The following SFT2D2 variants were observed in gnomAD, a reference collection of about 807,000 sequenced individuals.
The protein encoded by SFT2D2 is SFT2 domain containing 2, also known as vesicle transport protein SFT2B.
In SFT2D2, 21 loss-of-function variants were observed where a neutral mutation model predicts 27.4. The ratio of observed to expected loss-of-function variants is 0.77; its 90% CI spans 0.54 to 1.10. The LOEUF is 1.10. Ranked by LOEUF, SFT2D2 falls within the 50% of genes least tolerant of loss-of-function variation. The pLI, the probability that SFT2D2 is intolerant of heterozygous loss-of-function variation, is 0.00. For missense variants in SFT2D2, 187 were observed against 194.2 expected, an observed-to-expected ratio of 0.96 and a Z score of 0.22; for synonymous variants, 72 against 71.7, an observed-to-expected ratio of 1.00 and a Z score of -0.02.
Position 168,244,049 on chromosome 1 carries a change from A to G in SFT2D2, c.*1509A>G, listed in dbSNP as rs1025789120. ...CCTTTCTGTTCTTTGCACAGGGCCA[A>G]CTGGTCCACTAGGGCTCCTCCTCTG... On this transcript the variant is annotated 3_prime_UTR_variant, in exon 8 of 8. Coordinates refer to ENST00000271375, the MANE Select transcript of SFT2D2 (RefSeq NM_199344.3). The G allele has an allele frequency of 2.0e-5, 3 of 152,334 alleles. No individual in the cohort carries two copies. The highest frequency in any genetic ancestry group is 4.4e-5 in the Non-Finnish European group (3 of 68,140). The allele number at this position is 152,334 out of a possible 1,614,324, so 9.4% of individuals were successfully genotyped here.
rs956690909 is a variant in SFT2D2 at position 168,251,086 on chromosome 1, T to G, written c.*8546T>G. 1.3e-5 allele frequency: 2 copies of G among 152,108 alleles called. No homozygotes were observed. The highest frequency in any genetic ancestry group is 2.9e-5 in the Non-Finnish European group (2 of 68,072). 9.4% of individuals were successfully genotyped at this position (152,108 alleles called of 1,614,324 possible). A position where few individuals can be genotyped will look rare whatever the true frequency, so the allele number is the denominator to read the frequency against. Reference sequence around the variant, plus strand: ...TGGGAGGCTGAGGTGGGTGGATCGCTTGAGGTCAGGAGTTCAAGACCAGCC... The same window carrying G: ...TGGGAGGCTGAGGTGGGTGGATCGCGTGAGGTCAGGAGTTCAAGACCAGCC... On this transcript the variant is annotated 3_prime_UTR_variant, in exon 8 of 8. Transcript: ENST00000271375.
intron 6 of SFT2D2, among the ~76,000 whole-genome samples, chr1:168,238,248 T>C (rs916872014): frequency 3.3e-5 from 5 of 152,228 alleles, no homozygotes; most frequent in African/African-American, 1.2e-4. Flanking sequence ...GTAGCATTTT[T>C]TTCTTCTTCT....
intron 1 of SFT2D2, among the ~76,000 whole-genome samples, chr1:168,227,713 C>T (rs963146955): frequency 3.9e-5 from 6 of 152,106 alleles, no homozygotes; most frequent in African/African-American, 1.4e-4. Flanking sequence ...TCATAGGTAG[C>T]TGACCCTCGT....
intron 7 of SFT2D2, among the ~76,000 whole-genome samples, chr1:168,240,518 A>G (rs746479457): frequency 2.0e-5 from 3 of 152,172 alleles, no homozygotes; most frequent in East Asian, 3.8e-4. Flanking sequence ...TGAGGATCCA[A>G]TGAGATATTG....
chr1:168,234,476 A>G (rs2102330151), intron 3 of SFT2D2, among the ~76,000 whole-genome samples: 1 of 152,124 alleles, frequency 6.6e-6, no homozygotes, highest in Non-Finnish European at 1.5e-5. Context: ...ATAGAGTCAA[A>G]TGGTAGCTGT....
intron 3 of SFT2D2, among the ~76,000 whole-genome samples, chr1:168,233,371 A>G (rs529271334): frequency 2.0e-5 from 3 of 152,276 alleles, no homozygotes; most frequent in South Asian, 4.1e-4. Flanking sequence ...TATCACATCT[A>G]TATTTATGTG....
Position 168,249,978 on chromosome 1 carries a change from A to G in SFT2D2, c.*7438A>G, listed in dbSNP as rs1647913538. 1 of 152,222 alleles carries G rather than the reference A, an allele frequency of 6.6e-6. No individual in the cohort carries two copies. Among genetic ancestry groups the G allele is most frequent in the South Asian group, 2.1e-4 (1 of 4,826 alleles). The allele number at this position is 152,222 out of a possible 1,614,324, so 9.4% of individuals were successfully genotyped here. On this transcript the variant is annotated 3_prime_UTR_variant, in exon 8 of 8. Coordinates refer to ENST00000271375, the MANE Select transcript of SFT2D2 (RefSeq NM_199344.3). ...TGTAGACACTGCCATGTTTTATCTC[A>G]TTCAATATTCACAGTGACTGCCCAG...
At position 168,231,610 on chromosome 1, in the gene SFT2D2, C is replaced by T. The variant is rs201265817; in HGVS notation, c.150+10C>T. The T allele has an allele frequency of 7.5e-5, 121 of 1,612,302 alleles. No individual in the cohort carries two copies. Among genetic ancestry groups the T allele is most frequent in the South Asian group, 1.4e-4 (13 of 91,026 alleles). On this transcript the variant is annotated intron_variant, in intron 2 of 7. Transcript: ENST00000271375. ...TCTCTGCTCACTGCTGGTAAGATTT[C>T]CCTTCCTCCTCTGTCTTTTCCTTCT...
chr1:168,251,697 T>C lies in SFT2D2; in HGVS notation c.*9157T>C, dbSNP rs2102338601. Reference sequence around the variant, plus strand: ...TTGCTAGATTTTTGTCCTAGTTTTTTTTTTTTAATTTAAAAATCTTAAGTT... The same window carrying C: ...TTGCTAGATTTTTGTCCTAGTTTTTCTTTTTTAATTTAAAAATCTTAAGTT... On this transcript the variant is annotated 3_prime_UTR_variant, in exon 8 of 8. Transcript: ENST00000271375. 6.6e-6 allele frequency: 1 copy of C among 152,262 alleles called. No homozygotes were observed. Among genetic ancestry groups the C allele is most frequent in the South Asian group, 2.1e-4 (1 of 4,828 alleles). The allele number at this position is 152,262 out of a possible 1,614,324, so 9.4% of individuals were successfully genotyped here.
At position 168,252,736 on chromosome 1, in the gene SFT2D2, C is replaced by T. The variant is rs1210761044; in HGVS notation, c.*10196C>T. The T allele has an allele frequency of 6.6e-6, 1 of 152,120 alleles. No homozygotes were observed. Among genetic ancestry groups the T allele is most frequent in the Non-Finnish European group, 1.5e-5 (1 of 68,022 alleles). 9.4% of individuals were successfully genotyped at this position (152,120 alleles called of 1,614,324 possible). A position where few individuals can be genotyped will look rare whatever the true frequency, so the allele number is the denominator to read the frequency against. Reference sequence around the variant, plus strand: ...TTGTGCCTGTTTTAAAATGTTTGAGCTTTTAAAATACGTTGTTAAAACATG... The same window carrying T: ...TTGTGCCTGTTTTAAAATGTTTGAGTTTTTAAAATACGTTGTTAAAACATG... On this transcript the variant is annotated 3_prime_UTR_variant, in exon 8 of 8. Coordinates refer to ENST00000271375, the MANE Select transcript of SFT2D2 (RefSeq NM_199344.3).
At position 168,242,708 on chromosome 1, in the gene SFT2D2, C is replaced by G; in HGVS notation, c.*168C>G. 4.0e-6 allele frequency: 3 copies of G among 758,468 alleles called. No homozygotes were observed. Among genetic ancestry groups the G allele is most frequent in the Non-Finnish European group, 6.7e-6 (3 of 446,170 alleles). 47.0% of individuals were successfully genotyped at this position (758,468 alleles called of 1,614,324 possible). On this transcript the variant is annotated 3_prime_UTR_variant, in exon 8 of 8. Coordinates refer to ENST00000271375, the MANE Select transcript of SFT2D2 (RefSeq NM_199344.3). ...AGGGTTACTTTTGGAAGCAACAATA[C>G]ATTCTCGAACCTGAATGTCAGTAGC...
Position 168,244,216 on chromosome 1 carries a change from C to A in SFT2D2, c.*1676C>A, listed in dbSNP as rs559481364. On this transcript the variant is annotated 3_prime_UTR_variant, in exon 8 of 8. Transcript: ENST00000271375. ...TTTTTGAGATGGAGTCTCACTCCGT[C>A]GCCCAGGCTGGAGTGCAGTGGCGTG... 1.3e-5 allele frequency: 2 copies of A among 151,288 alleles called. No individual in the cohort carries two copies. The highest frequency in any genetic ancestry group is 4.9e-5 in the African/African-American group (2 of 40,892). 9.4% of individuals were successfully genotyped at this position (151,288 alleles called of 1,614,324 possible).
At chr1:168,229,665 C>G (rs747590703) in intron 1 of SFT2D2, 1 of 149,164 alleles carries the variant, frequency 6.7e-6, no homozygotes, top group Admixed American at 6.6e-5. Flanking sequence ...ATCCTACTAC[C>G]GCTCTTTTCT....
At chr1:168,241,392 C>T (rs1428012518) in intron 7 of SFT2D2, among the ~76,000 whole-genome samples, 2 of 151,592 alleles carry the variant, frequency 1.3e-5, no homozygotes, top group Non-Finnish European at 1.5e-5. Flanking sequence ...GGGGTTTCAC[C>T]GTGTTGGCCA....
Position 168,251,603 on chromosome 1 carries a change from C to T in SFT2D2, c.*9063C>T, listed in dbSNP as rs998745446. 1.3e-5 allele frequency: 2 copies of T among 151,934 alleles called. No homozygotes were observed. Among genetic ancestry groups the T allele is most frequent in the African/African-American group, 2.4e-5 (1 of 41,378 alleles). The allele number at this position is 151,934 out of a possible 1,614,324, so 9.4% of individuals were successfully genotyped here. ...GTAGGATTATAAATGGTTTAAAATA[C>T]GTATTCTCAAACCTCATTTTCAGCA... is the stretch of plus-strand genomic sequence containing the variant. On this transcript the variant is annotated 3_prime_UTR_variant, in exon 8 of 8. Coordinates refer to ENST00000271375, the MANE Select transcript of SFT2D2 (RefSeq NM_199344.3).
At chr1:168,231,771 G>A (rs72699772) in intron 2 of SFT2D2, 63 bp from the exon 3 acceptor site, 16,180 of 1,544,580 alleles carry the variant, frequency 0.01, 112 homozygotes, top group Non-Finnish European at 0.013. Context: ...TCCTCTGGGA[G>A]CTCTGCTTGT....
At chr1:168,234,722 G>C (rs1338575338) in intron 3 of SFT2D2, among the ~76,000 whole-genome samples, 5 of 152,118 alleles carry the variant, frequency 3.3e-5, no homozygotes, top group Admixed American at 3.3e-4. Context: ...AACTTCCTGA[G>C]CCTTGTTTGT....
rs375436314 is a variant in SFT2D2 at position 168,237,839 on chromosome 1, TTATG to T, written c.413+1071_413+1074del. On this transcript the variant is annotated intron_variant, in intron 6 of 7. Coordinates refer to ENST00000271375, the MANE Select transcript of SFT2D2 (RefSeq NM_199344.3). ...TGGAGAAGGATGCTGGTGTTTGTGT[TTATG>T]TGTGTGTGTGTGTGTATGTTTTTTT... is the stretch of plus-strand genomic sequence containing the variant. Among the ~76,000 whole-genome samples the T allele has an allele frequency of 2.3e-3, 272 of 117,258 alleles. 1 individual carries two copies. Among genetic ancestry groups the T allele is most frequent in the African/African-American group, 6.8e-3 (262 of 38,494 alleles). 76.9% of individuals were successfully genotyped at this position (117,258 alleles called of 152,430 possible).
At chr1:168,239,785 T>G (rs1157677443) in intron 7 of SFT2D2, among the ~76,000 whole-genome samples, 1 of 152,046 alleles carries the variant, frequency 6.6e-6, no homozygotes, top group East Asian at 1.9e-4. Flanking sequence ...AGCCGCATGA[T>G]CTTTGCCTCT....
Sources: allele counts gnomAD v4.1 joint callset (sites outside exome capture counted in the v4.1 genomes callset), GRCh38; gene constraint gnomAD v4.1.1; transcripts MANE v1.5; gene names NCBI Gene and HGNC (gene_info 2026-07-23, HGNC 2026-07-21).